Variants in LMTK2 observed in about 807,000 individuals in gnomAD.
The protein encoded by LMTK2 is serine/threonine-protein kinase LMTK2.
LMTK2 carries 37 observed loss-of-function variants against 127.5 expected under a neutral mutation model. The ratio of observed to expected loss-of-function variants is 0.29; its 90% CI spans 0.22 to 0.38. The LOEUF (loss-of-function observed/expected upper bound fraction) is 0.38, where lower values mean the gene tolerates loss of function less well. Among genes scored for constraint, LMTK2 ranks in the 10% least tolerant of loss-of-function variants. The pLI is 1.00. For synonymous variants in LMTK2, 819 were observed against 810.1 expected, an observed-to-expected ratio of 1.01 and a Z score of -0.19; for missense variants, 1,694 against 1,920.3, an observed-to-expected ratio of 0.88 and a Z score of 2.20.
Position 98,194,688 on chromosome 7 carries a change from T to G in LMTK2, c.4107+116T>G. ...GCCATTTTGAGGCAGCAGATTGTGA[T>G]TACTCACAAAAAGTAATTTGGGGTT... On this transcript the variant is annotated intron_variant, in intron 11 of 13. Transcript: ENST00000297293. This position sits in a 1 kb window ranked among gnomAD's most constrained non-coding sequence, Gnocchi z 5.4. 1.0e-6 allele frequency: 1 copy of G among 952,466 alleles called. No individual in the cohort carries two copies. The highest frequency in any genetic ancestry group is 1.5e-6 in the Non-Finnish European group (1 of 657,082). 59.0% of individuals were successfully genotyped at this position (952,466 alleles called of 1,614,324 possible).
chr7:98,192,136 A>G lies in LMTK2; in HGVS notation c.1671A>G (p.Glu557=). ...VGSDYYIQLE[E]KSGSNLELDY... is the part of the protein sequence containing the mutation. ...GCGACTATTATATCCAGTTAGAAGAAAAAAGTGGTAGTAACTTGGAGCTTG... is the reference window on the plus strand; with the variant it reads ...GCGACTATTATATCCAGTTAGAAGAGAAAAGTGGTAGTAACTTGGAGCTTG... The change falls in exon 11 of 14, where the codon GAA becomes GAG. Residue 557 remains glutamate (E), a synonymous_variant. Coordinates refer to ENST00000297293, the MANE Select transcript of LMTK2 (RefSeq NM_014916.4). 6.5e-7 allele frequency: 1 copy of G among 1,532,788 alleles called. No homozygotes were observed. Among genetic ancestry groups the G allele is most frequent in the Non-Finnish European group, 8.7e-7 (1 of 1,143,514 alleles). The allele number at this position is 1,532,788 out of a possible 1,614,324, so 94.9% of individuals were successfully genotyped here. A position where few individuals can be genotyped will look rare whatever the true frequency, so the allele number is the denominator to read the frequency against.
intron 9 of LMTK2, among the ~76,000 whole-genome samples, chr7:98,188,677 A>G (rs889536758): frequency 7.9e-5 from 12 of 152,098 alleles, no homozygotes; most frequent in Admixed American, 7.9e-4. Flanking sequence ...ATACCATCCT[A>G]TTCTCTGCTT....
chr7:98,145,955 T>C (rs913497403), intron 3 of LMTK2, among the ~76,000 whole-genome samples: 1 of 152,212 alleles, frequency 6.6e-6, no homozygotes, highest in Non-Finnish European at 1.5e-5. Context: ...TAGCTCTTGC[T>C]CCTTGATCTA....
intron 1 of LMTK2, among the ~76,000 whole-genome samples, chr7:98,132,659 TC>T (rs1796538428): frequency 6.6e-6 from 1 of 152,166 alleles, no homozygotes; most frequent in Non-Finnish European, 1.5e-5. Flanking sequence ...AGGAAATTTC[TC>T]TTTATAAAAG....
At chr7:98,159,282 A>G (rs898818329) in intron 5 of LMTK2, 56 bp from the exon 6 acceptor site, 82 of 1,137,018 alleles carry the variant, frequency 7.2e-5, no homozygotes, top group South Asian at 3.1e-4. Flanking sequence ...TTTTGTTTGA[A>G]TAATGTTATT....
At chr7:98,186,767 C>T in intron 8 of LMTK2, 110 bp from the exon 9 acceptor site, 1 of 962,264 alleles carries the variant, frequency 1.0e-6, no homozygotes, top group Non-Finnish European at 1.5e-6. Context: ...TTTTTCTGAC[C>T]TGGTTTTTGG....
At position 98,191,828 on chromosome 7, in the gene LMTK2, C is replaced by T; in HGVS notation, c.1363C>T (p.Leu455=). 1 of 1,614,152 alleles carries T rather than the reference C, an allele frequency of 6.2e-7. No individual in the cohort carries two copies. The highest frequency in any genetic ancestry group is 8.5e-7 in the Non-Finnish European group (1 of 1,180,022). ...PILDHFARDR[L]GREMEEVLTV... ...TCTCGACCACTTTGCCAGGGACCGG[C>T]TGGGTCGTGAAATGGAGGAAGTCCT... The change falls in exon 11 of 14, where the codon CTG becomes TTG. Residue 455 remains leucine (L), a synonymous_variant. Coordinates refer to ENST00000297293, the MANE Select transcript of LMTK2 (RefSeq NM_014916.4).
chr7:98,115,453 GA>G (rs1436996494), intron 1 of LMTK2, among the ~76,000 whole-genome samples: 3 of 151,912 alleles, frequency 2.0e-5, no homozygotes, highest in Admixed American at 6.6e-5. Flanking sequence ...AAGAAAAAAA[GA>G]AAAGAAGGAA....
chr7:98,113,538 G>A lies in LMTK2; in HGVS notation c.103+6258G>A, dbSNP rs547551186. On this transcript the variant is annotated intron_variant, in intron 1 of 13. Transcript: ENST00000297293. ...AGTCTCCAAAAGTGGTAGGATTATAGGTGTGAGCCACCGCACCTGGCCCTT... is the reference window on the plus strand; with the variant it reads ...AGTCTCCAAAAGTGGTAGGATTATAAGTGTGAGCCACCGCACCTGGCCCTT... Among the ~76,000 whole-genome samples, 151 of 152,258 alleles carry A rather than the reference G, an allele frequency of 9.9e-4. 1 individual carries two copies. Among genetic ancestry groups the A allele is most frequent in the African/African-American group, 3.5e-3 (147 of 41,556 alleles).
intron 9 of LMTK2, 36 bp from the exon 10 acceptor site, chr7:98,190,692 A>G: frequency 1.2e-6 from 2 of 1,611,344 alleles, no homozygotes; most frequent in Non-Finnish European, 1.7e-6. Flanking sequence ...TGACATCTAA[A>G]GGGAGAGAGA....
rs1796978187 is a variant in LMTK2, at chr7:98,159,325, T to C, written c.570-13T>C. 3 of 1,577,716 alleles carry C rather than the reference T, an allele frequency of 1.9e-6. No individual in the cohort carries two copies. The highest frequency in any genetic ancestry group is 2.6e-6 in the Non-Finnish European group (3 of 1,156,978). The stretch of plus-strand genomic sequence containing the variant: ...TTCCTGATGAACAATATTATGGCTT[T>C]TATTTTTCCCAGCATTCTTCAGCAT... On this transcript the variant is annotated splice_polypyrimidine_tract_variant and intron_variant, in intron 5 of 13. Transcript: ENST00000297293.
At chr7:98,140,991 A>G (rs930603437) in intron 2 of LMTK2, among the ~76,000 whole-genome samples, 1 of 151,282 alleles carries the variant, frequency 6.6e-6, no homozygotes, top group Non-Finnish European at 1.5e-5. Context: ...CTGGAGGTCC[A>G]GGCTGCAGTG....
At position 98,208,984 on chromosome 7, in the gene LMTK2, G is replaced by A. The variant is rs3735255; in HGVS notation, c.*3492G>A. On this transcript the variant is annotated 3_prime_UTR_variant, in exon 14 of 14. Transcript: ENST00000297293. ...ACTGCATGCCTGTCCCCAGGGCCCC[G>A]GTGGAAGGAAGGCAGCGCCTGCTCT... 8 of 152,132 alleles carry A rather than the reference G, an allele frequency of 5.3e-5. No homozygotes were observed. In the East Asian group the frequency reaches 5.8e-4, roughly 11 times the overall value. The allele number at this position is 152,132 out of a possible 1,614,324, so 9.4% of individuals were successfully genotyped here. A position where few individuals can be genotyped will look rare whatever the true frequency, so the allele number is the denominator to read the frequency against.
intron 1 of LMTK2, among the ~76,000 whole-genome samples, chr7:98,125,030 C>T (rs1008495561): frequency 3.3e-5 from 5 of 150,952 alleles, no homozygotes; most frequent in Non-Finnish European, 5.9e-5. Context: ...CCAGGCTAGG[C>T]GCATGGCTCA....
intron 11 of LMTK2, among the ~76,000 whole-genome samples, chr7:98,200,765 C>T (rs1006318842): frequency 6.6e-6 from 1 of 152,200 alleles, no homozygotes; most frequent in Admixed American, 6.5e-5. Context: ...ACTTATAATG[C>T]CTCATACACT....
chr7:98,122,998 G>A (rs79779001), intron 1 of LMTK2, among the ~76,000 whole-genome samples: 2,498 of 145,176 alleles, frequency 0.017, 57 homozygotes, highest in African/African-American at 0.06. Flanking sequence ...GATCTATTTT[G>A]TAAATTATAT....
Position 98,141,552 on chromosome 7 carries a change from A to G in LMTK2, c.376+11A>G, listed in dbSNP as rs1330247776. On this transcript the variant is annotated intron_variant, in intron 3 of 13. Coordinates refer to ENST00000297293, the MANE Select transcript of LMTK2 (RefSeq NM_014916.4). ...TCCAGCCTTCTGTAGGTAAGACCAT[A>G]CAGCCTAATGCCACGTTTTCATGAA... The G allele has an allele frequency of 3.1e-6, 5 of 1,612,192 alleles. No individual in the cohort carries two copies. Among genetic ancestry groups the G allele is most frequent in the Non-Finnish European group, 3.4e-6 (4 of 1,178,632 alleles).
At chr7:98,126,230 T>G (rs1291018713) in intron 1 of LMTK2, among the ~76,000 whole-genome samples, 1 of 152,180 alleles carries the variant, frequency 6.6e-6, no homozygotes, top group Non-Finnish European at 1.5e-5. Context: ...GACGAAGTGT[T>G]GTGAATCTAG....
At chr7:98,111,066 AT>A (rs1796195426) in intron 1 of LMTK2, among the ~76,000 whole-genome samples, 1 of 152,178 alleles carries the variant, frequency 6.6e-6, no homozygotes, top group Admixed American at 6.5e-5. Flanking sequence ...TTTGGTTGGG[AT>A]TGCTGCAATT....
Sources: allele counts gnomAD v4.1 joint callset (sites outside exome capture counted in the v4.1 genomes callset), GRCh38; gene constraint gnomAD v4.1.1; non-coding constraint Gnocchi (gnomAD v3.1); transcripts MANE v1.5; gene names NCBI Gene and HGNC (gene_info 2026-07-23, HGNC 2026-07-21).